Variants in GRIK1 observed in about 807,000 individuals in gnomAD.
GRIK1 encodes the protein glutamate ionotropic receptor kainate type subunit 1, also known as glutamate receptor ionotropic, kainate 1.
A neutral mutation model predicts 105.7 loss-of-function variants in GRIK1; 69 were observed. The ratio of observed to expected loss-of-function variants is 0.65; its 90% confidence interval spans 0.54 to 0.80. The LOEUF (loss-of-function observed/expected upper bound fraction) is 0.80, where lower values mean the gene tolerates loss of function less well. Among genes scored for constraint, GRIK1 ranks in the 30% least tolerant of loss-of-function variants. GRIK1 has a pLI of 0.00. For synonymous variants in GRIK1, 438 were observed against 431.3 expected (o/e 1.02, Z -0.19); for missense variants, 1,109 against 1,167.3 (o/e 0.95, Z 0.73).
chr21:29,864,214 TTTAG>T (rs1172076958), intron 1 of GRIK1, among the ~76,000 whole-genome samples: 2 of 152,162 alleles, frequency 1.3e-5, no homozygotes, highest in African/African-American at 4.8e-5. Flanking sequence ...ATTAGAAATG[TTTAG>T]TTAAATATCA....
intron 16 of GRIK1, among the ~76,000 whole-genome samples, chr21:29,541,406 T>A (rs1220172398): frequency 6.6e-6 from 1 of 152,158 alleles, no homozygotes; most frequent in Non-Finnish European, 1.5e-5. Context: ...ATGTATAAAG[T>A]GAGACAATAG....
intron 1 of GRIK1, among the ~76,000 whole-genome samples, chr21:29,769,935 A>G (rs2065772420): frequency 6.6e-6 from 1 of 152,204 alleles, no homozygotes; most frequent in Non-Finnish European, 1.5e-5. Flanking sequence ...TACAGTGTTC[A>G]CTGAATTTTT....
chr21:29,866,851 ATAGAG>A lies in GRIK1; in HGVS notation c.118+72527_118+72531del, dbSNP rs536753051. On this transcript the variant is annotated intron_variant, in intron 1 of 17. Coordinates refer to ENST00000327783, the MANE Select transcript of GRIK1 (RefSeq NM_001330994.2). Reference sequence around the variant, plus strand: ...CTTGTCACAAAAACTCTAGGTATATATAGAGTAGAGAAAAACAAATTTCATCAAAC... The same window carrying A: ...CTTGTCACAAAAACTCTAGGTATATATAGAGAAAAACAAATTTCATCAAAC... Among the ~76,000 whole-genome samples, 188 of 152,320 alleles carry A rather than the reference ATAGAG, an allele frequency of 1.2e-3. 2 individuals are homozygous for A. The highest frequency in any genetic ancestry group is 4.4e-3 in the African/African-American group (181 of 41,564).
chr21:29,672,830 C>A (rs1283616713), intron 4 of GRIK1, among the ~76,000 whole-genome samples, 153 bp downstream of exon 4: 1 of 152,206 alleles, frequency 6.6e-6, no homozygotes, highest in African/African-American at 2.4e-5. Context: ...GAGCCCCTTG[C>A]CTGTTTAAAA....
intron 1 of GRIK1, among the ~76,000 whole-genome samples, chr21:29,819,845 C>A (rs1179108997): frequency 6.6e-6 from 1 of 152,002 alleles, no homozygotes; most frequent in Admixed American, 6.6e-5. Flanking sequence ...ACAGGGACCG[C>A]CTGCAACATT....
At chr21:29,776,307 A>G (rs1009155621) in intron 1 of GRIK1, among the ~76,000 whole-genome samples, 1 of 152,220 alleles carries the variant, frequency 6.6e-6, no homozygotes, top group Non-Finnish European at 1.5e-5. Flanking sequence ...CTCATAAGAA[A>G]CTGTAGCTGA....
chr21:29,555,998 A>G (rs747224920), intron 15 of GRIK1, among the ~76,000 whole-genome samples: 2 of 152,172 alleles, frequency 1.3e-5, no homozygotes, highest in African/African-American at 2.4e-5. Context: ...TATACCTTTC[A>G]TTAAACAAGA....
rs2065230306 is a variant in GRIK1 at position 29,752,456 on chromosome 21, AAGAAGCTTAC to A, written c.119-58403_119-58394del. On this transcript the variant is annotated intron_variant, in intron 1 of 17. Transcript: ENST00000327783. Reference sequence around the variant, plus strand: ...AAGAGAACGTCTGCTTCTTCTTTGCAAGAAGCTTACTATTTCTTGGATGAGACCAAATGGC... The same window carrying A: ...AAGAGAACGTCTGCTTCTTCTTTGCATATTTCTTGGATGAGACCAAATGGC... 6.6e-5 allele frequency among the ~76,000 whole-genome samples: 10 copies of A among 152,338 alleles called. No homozygotes were observed. The South Asian group carries it at 1.9e-3, about 28-fold the overall frequency.
At chr21:29,781,965 C>G (rs887206671) in intron 1 of GRIK1, among the ~76,000 whole-genome samples, 3 of 151,722 alleles carry the variant, frequency 2.0e-5, no homozygotes, top group African/African-American at 4.8e-5. Flanking sequence ...CCACCGCGCC[C>G]GGCCTAACCT....
At chr21:29,939,095 G>A (rs915570193) in intron 1 of GRIK1, among the ~76,000 whole-genome samples, 5 of 152,126 alleles carry the variant, frequency 3.3e-5, no homozygotes, top group Non-Finnish European at 7.4e-5. Flanking sequence ...GCCCAGAGTA[G>A]GGGTGCCGGT....
At chr21:29,595,221 A>C (rs552271795) in intron 9 of GRIK1, among the ~76,000 whole-genome samples, 1 of 152,238 alleles carries the variant, frequency 6.6e-6, no homozygotes, top group East Asian at 1.9e-4. Context: ...GTTTAGTGAC[A>C]AATAGAGGAC....
chr21:29,889,867 G>C (rs1017821048), intron 1 of GRIK1, among the ~76,000 whole-genome samples: 4 of 151,960 alleles, frequency 2.6e-5, no homozygotes, highest in Non-Finnish European at 1.5e-5. Context: ...GGAAGATAAA[G>C]CTAAGTATAA....
chr21:29,804,747 T>C (rs1312030809), intron 1 of GRIK1, among the ~76,000 whole-genome samples: 1 of 152,194 alleles, frequency 6.6e-6, no homozygotes, highest in African/African-American at 2.4e-5. Flanking sequence ...TATTCTTGCA[T>C]GCAAATGCCA....
At chr21:29,556,913 C>T (rs982579455) in intron 15 of GRIK1, among the ~76,000 whole-genome samples, 1 of 152,170 alleles carries the variant, frequency 6.6e-6, no homozygotes, top group Non-Finnish European at 1.5e-5. Flanking sequence ...CTGATTAATG[C>T]ACCTATTAAG....
chr21:29,666,193 C>T (rs1387832971), intron 4 of GRIK1, among the ~76,000 whole-genome samples: 4 of 152,160 alleles, frequency 2.6e-5, no homozygotes, highest in African/African-American at 7.2e-5. Flanking sequence ...CACCTGAGGT[C>T]GGGAGTTTGA....
At chr21:29,606,856 G>A (rs895942176) in intron 7 of GRIK1, among the ~76,000 whole-genome samples, 3 of 152,060 alleles carry the variant, frequency 2.0e-5, no homozygotes, top group Admixed American at 6.6e-5. Context: ...GGCCAAGTCC[G>A]TCAGTCGAGA....
intron 16 of GRIK1, among the ~76,000 whole-genome samples, chr21:29,545,717 A>G: frequency 6.6e-6 from 1 of 152,018 alleles, no homozygotes; most frequent in East Asian, 1.9e-4. Context: ...TCCACAGTGC[A>G]CGTATGCACT....
chr21:29,891,576 T>C (rs568204106), intron 1 of GRIK1, among the ~76,000 whole-genome samples: 2 of 152,328 alleles, frequency 1.3e-5, no homozygotes, highest in South Asian at 4.1e-4. Context: ...TCTGTGACCA[T>C]CTGTTCTTAC....
intron 7 of GRIK1, among the ~76,000 whole-genome samples, chr21:29,628,176 C>A (rs1330566181): frequency 6.6e-6 from 1 of 152,102 alleles, no homozygotes; most frequent in Admixed American, 6.6e-5. Context: ...TAAGTCAGTT[C>A]TCAGAAAAGT....
Sources: gnomAD v4.1 joint callset for allele counts (sites outside exome capture counted in the v4.1 genomes callset) on GRCh38, gnomAD v4.1.1 for gene constraint, MANE v1.5 for transcripts, NCBI Gene and HGNC (gene_info 2026-07-23, HGNC 2026-07-21) for gene names.